Variants in HMCN1 observed in about 807,000 individuals in gnomAD.
HMCN1 encodes hemicentin 1.
Under a neutral mutation model 625.9 loss-of-function variants are expected in HMCN1, and 321 were observed. The observed-to-expected ratio is 0.51, with a 90% CI of 0.47 to 0.56. The LOEUF is 0.56. HMCN1 is among the 20% of genes least tolerant of loss of function. The probability of loss-of-function intolerance (pLI) is 0.00; values close to 1 mark genes in which losing one functional copy is unlikely to be tolerated. For missense variants in HMCN1, 6,588 were observed against 6,887.3 expected (o/e 0.96, Z 1.54); for synonymous variants, 2,425 against 2,417.6 (o/e 1.00, Z -0.09).
At chr1:186,061,230 A>C (rs1320167389) in intron 46 of HMCN1, among the ~76,000 whole-genome samples, 3 of 152,124 alleles carry the variant, frequency 2.0e-5, no homozygotes, top group Non-Finnish European at 4.4e-5. Context: ...TACATTCTGC[A>C]TGTCTGGGGA....
rs1008197724 is a variant in HMCN1 at position 185,734,696 on chromosome 1, G to C, written c.-84G>C. On this transcript the variant is annotated 5_prime_UTR_variant, in exon 1 of 107. Coordinates refer to ENST00000271588, the MANE Select transcript of HMCN1 (RefSeq NM_031935.3). Reference sequence around the variant, plus strand: ...CCAAGAGTCTGATGAGTTACTCTGAGAGGAAACCCTCTGCCTGTTGTTGAG... The same window carrying C: ...CCAAGAGTCTGATGAGTTACTCTGACAGGAAACCCTCTGCCTGTTGTTGAG... 1.5e-5 allele frequency: 21 copies of C among 1,375,042 alleles called. No homozygotes were observed. The highest frequency in any genetic ancestry group is 2.0e-5 in the Non-Finnish European group (19 of 969,006). The allele number at this position is 1,375,042 out of a possible 1,614,324, so 85.2% of individuals were successfully genotyped here.
intron 1 of HMCN1, among the ~76,000 whole-genome samples, chr1:185,751,460 T>A (rs1654811356): frequency 6.6e-6 from 1 of 152,110 alleles, no homozygotes; most frequent in Non-Finnish European, 1.5e-5. Flanking sequence ...ATTTCTGCAG[T>A]GCCTTATTCA....
At position 186,048,668 on chromosome 1, in the gene HMCN1, G is replaced by T. The variant is rs1170767237; in HGVS notation, c.6481-75G>T. ...ATCTTCAGAATAAAAATAAGAAATA[G>T]ATCACAAATAGTATTAATTAAAAAA... On this transcript the variant is annotated intron_variant, in intron 41 of 106. Transcript: ENST00000271588. 12 of 870,452 alleles carry T rather than the reference G, an allele frequency of 1.4e-5. No homozygotes were observed. The East Asian group carries it at 2.5e-4, about 18-fold the overall frequency. The allele number at this position is 870,452 out of a possible 1,614,324, so 53.9% of individuals were successfully genotyped here.
chr1:185,974,063 T>G (rs1651025665), intron 15 of HMCN1, among the ~76,000 whole-genome samples: 1 of 152,218 alleles, frequency 6.6e-6, no homozygotes, highest in Admixed American at 6.5e-5. Flanking sequence ...TTTTTATATT[T>G]GCAGAATAAT....
intron 53 of HMCN1, among the ~76,000 whole-genome samples, chr1:186,076,171 G>A (rs1024008717): frequency 1.3e-5 from 2 of 152,232 alleles, no homozygotes; most frequent in South Asian, 4.2e-4. Context: ...AAGTGCCAGA[G>A]CCCTTTAACG....
At chr1:185,992,342 ACAT>A (rs1652485516) in intron 22 of HMCN1, among the ~76,000 whole-genome samples, 2 of 152,148 alleles carry the variant, frequency 1.3e-5, no homozygotes, top group African/African-American at 4.8e-5. Context: ...AAAATTATAA[ACAT>A]AACCTTCAAT....
In HMCN1 at chr1:186,088,225, A is replaced by T; in HGVS notation, c.9526A>T (p.Thr3176Ser). The change falls in exon 62 of 107, where the codon ACT (threonine) becomes TCT (serine). Residue 3176 changes from threonine (T) to serine (S), a missense_variant. By Grantham distance (58) the Thr-to-Ser change is moderately conservative. Coordinates refer to ENST00000271588, the MANE Select transcript of HMCN1 (RefSeq NM_031935.3). ...SNPVTLTCDA[T>S]GIPPPTIAWL... ...TCCTGTGACATTAACATGTGATGCC[A>T]CTGGGATCCCACCTCCCACGATAGC... The T allele has an allele frequency of 6.2e-7, 1 of 1,612,994 alleles. No individual in the cohort carries two copies. The highest frequency in any genetic ancestry group is 8.5e-7 in the Non-Finnish European group (1 of 1,179,356).
chr1:185,751,686 A>C (rs1360265236), intron 1 of HMCN1, among the ~76,000 whole-genome samples: 2 of 150,560 alleles, frequency 1.3e-5, no homozygotes, highest in African/African-American at 4.9e-5. Context: ...TTTTCTATTT[A>C]TTTTCTCTTT....
Position 186,086,223 on chromosome 1 carries a change from T to C in HMCN1, c.8885-23T>C, listed in dbSNP as rs752235742. 20 of 1,595,888 alleles carry C rather than the reference T, an allele frequency of 1.3e-5. No homozygotes were observed. In the South Asian group the frequency reaches 2.2e-4, roughly 18 times the overall value. On this transcript the variant is annotated intron_variant, in intron 57 of 106. Coordinates refer to ENST00000271588, the MANE Select transcript of HMCN1 (RefSeq NM_031935.3). The stretch of plus-strand genomic sequence containing the variant: ...ATATGTTGATAACACCTGCTTTCAC[T>C]TTTAATATATTTACTATTATAGTTC...
At chr1:185,921,658 T>G (rs1485046640) in intron 6 of HMCN1, among the ~76,000 whole-genome samples, 1 of 152,226 alleles carries the variant, frequency 6.6e-6, no homozygotes, top group Non-Finnish European at 1.5e-5. Flanking sequence ...CATCTCCTAC[T>G]TCTACTTAAA....
rs553263086 is a variant in HMCN1, at chr1:185,888,639, G to A, written c.622-20698G>A. Among the ~76,000 whole-genome samples, 103 of 147,408 alleles carry A rather than the reference G, an allele frequency of 7.0e-4. 15 individuals carry two copies. The highest frequency in any genetic ancestry group is 2.6e-3 in the African/African-American group (97 of 36,832). On this transcript the variant is annotated intron_variant, in intron 4 of 106. Coordinates refer to ENST00000271588, the MANE Select transcript of HMCN1 (RefSeq NM_031935.3). ...GTTGTAGATATGCGGCGTTATTTCT[G>A]AGGGCTCTGTTGTGTTCCATTGATC...
At chr1:186,000,266 G>T in intron 26 of HMCN1, 27 bp downstream of exon 26, 2 of 1,545,906 alleles carry the variant, frequency 1.3e-6, no homozygotes, top group South Asian at 2.2e-5. Context: ...TCATGTAACT[G>T]ACTGTTTGCC....
chr1:185,930,355 C>G (rs1558073181), intron 10 of HMCN1, among the ~76,000 whole-genome samples: 1 of 152,214 alleles, frequency 6.6e-6, no homozygotes, highest in South Asian at 2.1e-4. Context: ...GCCTAGTACA[C>G]CAGCCTTTAA....
Position 186,093,269 on chromosome 1 carries a change from A to G in HMCN1, c.10012+11A>G. On this transcript the variant is annotated intron_variant, in intron 65 of 106. Coordinates refer to ENST00000271588, the MANE Select transcript of HMCN1 (RefSeq NM_031935.3). ...ACTTGAATGTCTATGGTAAATATGA[A>G]ATATCCCCCTCTTTTGATGATGCTG... 1 of 1,613,244 alleles carries G rather than the reference A, an allele frequency of 6.2e-7. No homozygotes were observed. The highest frequency in any genetic ancestry group is 8.5e-7 in the Non-Finnish European group (1 of 1,179,490).
Position 186,007,208 on chromosome 1 carries a change from A to G in HMCN1, c.4556A>G (p.Asp1519Gly). Residue 1519 changes from aspartate (D) to glycine (G), a missense_variant, in exon 30 of 107, where the codon GAC (aspartate) becomes GGC (glycine). By Grantham distance (94) the Asp-to-Gly change is moderately conservative. Transcript: ENST00000271588. ...CATTTAAAGAATGCACGGAGAAATG[A>G]CAAGGGGCGCTACCAATGTACTGTG... ...VLHLKNARRN[D>G]KGRYQCTVSN... 2 of 1,613,476 alleles carry G rather than the reference A, an allele frequency of 1.2e-6. No homozygotes were observed. The highest frequency in any genetic ancestry group is 1.7e-6 in the Non-Finnish European group (2 of 1,179,474).
intron 64 of HMCN1, 39 bp downstream of exon 64, chr1:186,090,956 C>T (rs762186319): frequency 6.3e-7 from 1 of 1,574,962 alleles, no homozygotes; most frequent in East Asian, 2.2e-5. Context: ...AAATTGTAAG[C>T]CCTTCTACAA....
At chr1:186,120,776 G>A (rs1661360947) in intron 80 of HMCN1, among the ~76,000 whole-genome samples, 1 of 152,148 alleles carries the variant, frequency 6.6e-6, no homozygotes, top group African/African-American at 2.4e-5. Flanking sequence ...TAATTGGTTT[G>A]TATTTTTCAA....
intron 103 of HMCN1, 119 bp downstream of exon 103, chr1:186,174,761 T>G: frequency 1.1e-6 from 1 of 900,028 alleles, no homozygotes; most frequent in Non-Finnish European, 1.8e-6. Context: ...TAATAAGGTA[T>G]GTGAATTGAT....
chr1:186,181,232 C>G (rs2102664239), intron 104 of HMCN1, among the ~76,000 whole-genome samples: 1 of 152,260 alleles, frequency 6.6e-6, no homozygotes, highest in South Asian at 2.1e-4. Context: ...AACTAGTCTT[C>G]CACTGGTTGG....
Sources: allele counts gnomAD v4.1 joint callset (sites outside exome capture counted in the v4.1 genomes callset), GRCh38; gene constraint gnomAD v4.1.1; transcripts MANE v1.5; gene names NCBI Gene and HGNC (gene_info 2026-07-23, HGNC 2026-07-21).